PARP8: variants seen among roughly 807,000 people sequenced by gnomAD.
PARP8 encodes poly(ADP-ribose) polymerase family member 8, also known as protein mono-ADP-ribosyltransferase PARP8.
A neutral mutation model predicts 124.1 loss-of-function variants in PARP8; 51 were observed. The observed-to-expected ratio is 0.41, with a 90% CI of 0.33 to 0.52. The LOEUF is 0.52. PARP8 is among the 20% of genes least tolerant of loss of function. The probability of loss-of-function intolerance (pLI) is 0.21; values close to 1 mark genes in which losing one functional copy is unlikely to be tolerated. For missense variants in PARP8, 860 were observed against 1,018.9 expected, an observed-to-expected ratio of 0.84 and a Z score of 2.12; for synonymous variants, 391 against 361.5, an observed-to-expected ratio of 1.08 and a Z score of -0.93.
Position 50,846,426 on chromosome 5 carries a change from G to A in PARP8, c.*4358G>A, listed in dbSNP as rs1326873151. 2 of 151,632 alleles carry A rather than the reference G, an allele frequency of 1.3e-5. No individual in the cohort carries two copies. The highest frequency in any genetic ancestry group is 4.8e-5 in the African/African-American group (2 of 41,346). The allele number at this position is 151,632 out of a possible 1,614,324, so 9.4% of individuals were successfully genotyped here. ...CTTTTTATTGCTCTTGCTTTCTATT[G>A]CTACTAAAGCCTCTTTTATCCAGCT... is the stretch of plus-strand genomic sequence containing the variant. On this transcript the variant is annotated 3_prime_UTR_variant, in exon 26 of 26. Coordinates refer to ENST00000281631, the MANE Select transcript of PARP8 (RefSeq NM_024615.4).
intron 7 of PARP8, among the ~76,000 whole-genome samples, chr5:50,765,675 A>G (rs1013657294): frequency 6.6e-6 from 1 of 152,222 alleles, no homozygotes; most frequent in Non-Finnish European, 1.5e-5. Flanking sequence ...GCTGTAGAGG[A>G]TATTTCCAAA....
At position 50,680,827 on chromosome 5, in the gene PARP8, T is replaced by A. The variant is rs115541523; in HGVS notation, c.146+12702T>A. On this transcript the variant is annotated intron_variant, in intron 2 of 25. Transcript: ENST00000281631. ...TAAAATCTGGCATATTTGGCATAGA[T>A]CCATTCAGCTTTGTATACTTTGTTA... Among the ~76,000 whole-genome samples the A allele has an allele frequency of 7.6e-3, 1,151 of 152,236 alleles. 15 individuals are homozygous for A. Among genetic ancestry groups the A allele is most frequent in the African/African-American group, 0.026 (1,081 of 41,546 alleles).
chr5:50,790,145 T>C (rs1175007811), intron 10 of PARP8, among the ~76,000 whole-genome samples: 1 of 152,214 alleles, frequency 6.6e-6, no homozygotes, highest in Non-Finnish European at 1.5e-5. Context: ...TTCAAAGATA[T>C]GCAAATATAA....
chr5:50,750,042 T>TA, intron 2 of PARP8, 109 bp from the exon 3 acceptor site: 1 of 837,920 alleles, frequency 1.2e-6, no homozygotes, highest in African/African-American at 1.7e-5. Flanking sequence ...TGTTTATACT[T>TA]ACATCTTTAT....
At chr5:50,811,773 G>A (rs1211906419) in intron 14 of PARP8, among the ~76,000 whole-genome samples, 1 of 152,022 alleles carries the variant, frequency 6.6e-6, no homozygotes, top group African/African-American at 2.4e-5. Context: ...GGTGTGTGAT[G>A]TTCCCCACCC....
chr5:50,824,915 A>G lies in PARP8; in HGVS notation c.1868A>G (p.Tyr623Cys). 6.2e-7 allele frequency: 1 copy of G among 1,612,896 alleles called. No individual in the cohort carries two copies. The highest frequency in any genetic ancestry group is 8.5e-7 in the Non-Finnish European group (1 of 1,179,054). ...ATAATGACTTTTTTTCAGGCACCAT[A>G]TCTGGAAATCAAGAAGCAAATGGAT... ...TSIREMTQAP[Y>C]LEIKKQMDKQ... The change falls in exon 18 of 26, where the codon TAT becomes TGT. Residue 623 changes from tyrosine (Y) to cysteine (C), a missense_variant. Physicochemically the swap from Tyr to Cys is radical, Grantham distance 194. Coordinates refer to ENST00000281631, the MANE Select transcript of PARP8 (RefSeq NM_024615.4).
chr5:50,779,172 C>T (rs1740372289), intron 9 of PARP8, among the ~76,000 whole-genome samples: 2 of 151,958 alleles, frequency 1.3e-5, no homozygotes, highest in African/African-American at 4.8e-5. Context: ...TTCCTACCTA[C>T]TACCACACAT....
intron 15 of PARP8, among the ~76,000 whole-genome samples, chr5:50,815,777 C>T (rs1745031232): frequency 6.6e-6 from 1 of 152,074 alleles, no homozygotes; most frequent in Non-Finnish European, 1.5e-5. Flanking sequence ...ATTCTAATTT[C>T]TTCTTACACA....
intron 14 of PARP8, among the ~76,000 whole-genome samples, chr5:50,809,150 A>T (rs1744169962): frequency 6.6e-6 from 1 of 152,058 alleles, no homozygotes; most frequent in South Asian, 2.1e-4. Flanking sequence ...CTTACTGTGG[A>T]TCTGCCTTAA....
At chr5:50,733,425 C>T (rs1757177952) in intron 2 of PARP8, among the ~76,000 whole-genome samples, 1 of 152,126 alleles carries the variant, frequency 6.6e-6, no homozygotes, top group African/African-American at 2.4e-5. Flanking sequence ...TTTAAAAATA[C>T]TTTTTTCTCT....
At chr5:50,811,567 A>G (rs1455486285) in intron 14 of PARP8, among the ~76,000 whole-genome samples, 2 of 151,408 alleles carry the variant, frequency 1.3e-5, no homozygotes, top group South Asian at 4.2e-4. Context: ...GTAGTAAGAT[A>G]TTTTATTTCA....
At chr5:50,760,152 C>T (rs147418828) in intron 4 of PARP8, 140 bp from the exon 5 acceptor site, 462 of 800,488 alleles carry the variant, frequency 5.8e-4, no homozygotes, top group Non-Finnish European at 7.4e-4. Flanking sequence ...CTCAACATGA[C>T]ATGATTTCAA....
chr5:50,813,048 T>G (rs1209593142), intron 14 of PARP8, among the ~76,000 whole-genome samples: 1 of 152,252 alleles, frequency 6.6e-6, no homozygotes, highest in Non-Finnish European at 1.5e-5. Flanking sequence ...GCTTGTTCTT[T>G]TAGCTTAGGA....
At chr5:50,820,804 A>AT (rs985984134) in intron 15 of PARP8, among the ~76,000 whole-genome samples, 2 of 152,044 alleles carry the variant, frequency 1.3e-5, no homozygotes, top group Non-Finnish European at 1.5e-5. Context: ...TGCCTACTTT[A>AT]TTTTTTTATA....
At chr5:50,727,867 T>C (rs1169294563) in intron 2 of PARP8, among the ~76,000 whole-genome samples, 1 of 152,146 alleles carries the variant, frequency 6.6e-6, no homozygotes. Context: ...GCCTTCAGAG[T>C]TGAAAATTAC....
In PARP8 at chr5:50,795,426, A is replaced by G. The variant is rs1742429813; in HGVS notation, c.1428+9A>G. On this transcript the variant is annotated intron_variant, in intron 12 of 25. Transcript: ENST00000281631. ...CATCTTCTCAGCTTGCTGTGCGTAA[A>G]TATTTTCATCTTGAGTTCTTAAATG... is the stretch of plus-strand genomic sequence containing the variant. 6.4e-7 allele frequency: 1 copy of G among 1,562,244 alleles called. No individual in the cohort carries two copies. The highest frequency in any genetic ancestry group is 8.6e-7 in the Non-Finnish European group (1 of 1,158,540).
intron 7 of PARP8, among the ~76,000 whole-genome samples, chr5:50,764,983 TGGG>T: frequency 6.6e-6 from 1 of 152,010 alleles, no homozygotes; most frequent in African/African-American, 2.4e-5. Context: ...TTTTGGTTGC[TGGG>T]CGCGGTGGCT....
intron 20 of PARP8, 99 bp from the exon 21 acceptor site, chr5:50,828,213 C>G: frequency 7.8e-7 from 1 of 1,289,876 alleles, no homozygotes; most frequent in Non-Finnish European, 1.1e-6. Flanking sequence ...ATTTGGCAAT[C>G]CAGAACCTTC....
intron 2 of PARP8, among the ~76,000 whole-genome samples, chr5:50,692,192 G>A (rs1309873379): frequency 6.6e-6 from 1 of 152,134 alleles, no homozygotes; most frequent in Non-Finnish European, 1.5e-5. Context: ...TGACCGCAGA[G>A]TGAAATCTAA....
Sources: allele counts gnomAD v4.1 joint callset (sites outside exome capture counted in the v4.1 genomes callset), GRCh38; gene constraint gnomAD v4.1.1; transcripts MANE v1.5; gene names NCBI Gene and HGNC (gene_info 2026-07-23, HGNC 2026-07-21).